TRHDE: variants seen among roughly 807,000 people sequenced by gnomAD.
TRHDE encodes the protein thyrotropin releasing hormone degrading enzyme, also known as thyrotropin-releasing hormone-degrading ectoenzyme.
In TRHDE, 72 loss-of-function variants were observed where a neutral mutation model predicts 125.7. That is an observed-to-expected ratio of 0.57 (90% CI 0.47 to 0.70). The LOEUF is 0.70. Among genes scored for constraint, TRHDE ranks in the 30% least tolerant of loss-of-function variants. The probability of loss-of-function intolerance (pLI) is 0.00; values close to 1 mark genes in which losing one functional copy is unlikely to be tolerated. For missense variants in TRHDE, 1,110 were observed against 1,327.1 expected, an observed-to-expected ratio of 0.84 and a Z score of 2.54; for synonymous variants, 509 against 509.1, an observed-to-expected ratio of 1.00 and a Z score of 0.00.
chr12:72,237,164 A>G (rs1313394429), intron 2 of TRHDE, among the ~76,000 whole-genome samples: 3 of 152,220 alleles, frequency 2.0e-5, no homozygotes, highest in Admixed American at 6.5e-5. Flanking sequence ...GTGAGATATT[A>G]TCATTCACTT....
intron 3 of TRHDE, among the ~76,000 whole-genome samples, chr12:72,421,145 A>G (rs1156270696): frequency 1.3e-5 from 2 of 152,140 alleles, no homozygotes; most frequent in Non-Finnish European, 2.9e-5. Flanking sequence ...AAATCAACTC[A>G]GATTCAACCA....
chr12:72,592,154 C>G (rs998241414), intron 12 of TRHDE, among the ~76,000 whole-genome samples: 1 of 152,016 alleles, frequency 6.6e-6, no homozygotes, highest in Non-Finnish European at 1.5e-5. Flanking sequence ...CTACCTTCTC[C>G]CTGGTATTCT....
rs144709792 is a variant in TRHDE, at chr12:72,556,679, T to A, written c.1789-5486T>A. Among the ~76,000 whole-genome samples, 334 of 152,318 alleles carry A rather than the reference T, an allele frequency of 2.2e-3. 2 individuals carry two copies. Among genetic ancestry groups the A allele is most frequent in the African/African-American group, 7.5e-3 (312 of 41,562 alleles). Reference sequence around the variant, plus strand: ...ATTTTGCCTTCTTCCCAGATTCCATTGTGAGTGATTGCCCCCGTATAAAAC... The same window carrying A: ...ATTTTGCCTTCTTCCCAGATTCCATAGTGAGTGATTGCCCCCGTATAAAAC... On this transcript the variant is annotated intron_variant, in intron 7 of 18. Coordinates refer to ENST00000261180, the MANE Select transcript of TRHDE (RefSeq NM_013381.3).
At chr12:72,289,299 T>C (rs1406104312) in intron 2 of TRHDE, among the ~76,000 whole-genome samples, 2 of 152,118 alleles carry the variant, frequency 1.3e-5, no homozygotes. Context: ...GTGTGAATAT[T>C]TGAGACATCA....
At chr12:72,461,604 A>ATCAAAAT (rs1463362409) in intron 3 of TRHDE, among the ~76,000 whole-genome samples, 1 of 151,936 alleles carries the variant, frequency 6.6e-6, no homozygotes, top group African/African-American at 2.4e-5. Context: ...TCATGGTATA[A>ATCAAAAT]TCAAAATACA....
chr12:72,423,432 G>A (rs558460037), intron 3 of TRHDE, among the ~76,000 whole-genome samples: 84 of 152,234 alleles, frequency 5.5e-4, no homozygotes, highest in Admixed American at 9.8e-4. Flanking sequence ...CAAAAATTCT[G>A]TTCATCTCTT....
intron 2 of TRHDE, among the ~76,000 whole-genome samples, chr12:72,109,340 CT>C (rs1875263755): frequency 6.6e-6 from 1 of 151,976 alleles, no homozygotes; most frequent in South Asian, 2.1e-4. Context: ...TTCTTTTTGT[CT>C]TTGTGATTTC....
At chr12:72,279,790 T>C (rs116405092) in intron 1 of TRHDE, among the ~76,000 whole-genome samples, 3,141 of 152,212 alleles carry the variant, frequency 0.021, 115 homozygotes, top group African/African-American at 0.072. Context: ...CTGACATTTA[T>C]AGAACTGTGG....
At chr12:72,311,725 G>GA (rs1329148068) in intron 2 of TRHDE, among the ~76,000 whole-genome samples, 108 of 152,252 alleles carry the variant, frequency 7.1e-4, no homozygotes, top group African/African-American at 2.5e-3. Context: ...AGTTGAGTCA[G>GA]TACATTTTGG....
At chr12:72,474,175 A>C (rs1297187902) in intron 5 of TRHDE, among the ~76,000 whole-genome samples, 2 of 152,070 alleles carry the variant, frequency 1.3e-5, no homozygotes, top group East Asian at 3.9e-4. Context: ...TTTGGAGATA[A>C]GTGTACATTC....
intron 2 of TRHDE, among the ~76,000 whole-genome samples, chr12:72,233,261 A>G (rs559817001): frequency 6.6e-6 from 1 of 152,316 alleles, no homozygotes; most frequent in South Asian, 2.1e-4. Context: ...TTATGAATCA[A>G]GAATTAGGCA....
chr12:72,451,606 A>G (rs1331880685), intron 3 of TRHDE, among the ~76,000 whole-genome samples: 4 of 151,880 alleles, frequency 2.6e-5, no homozygotes, highest in African/African-American at 9.7e-5. Flanking sequence ...GTTGTTCAAA[A>G]TTGGTTTGGA....
chr12:72,624,585 G>A (rs1873181471), intron 15 of TRHDE, among the ~76,000 whole-genome samples: 2 of 151,822 alleles, frequency 1.3e-5, no homozygotes, highest in African/African-American at 4.8e-5. Context: ...TGCAAGGAGG[G>A]ATAATGGGAC....
intron 15 of TRHDE, among the ~76,000 whole-genome samples, chr12:72,643,070 G>A (rs1050957398): frequency 5.3e-5 from 8 of 152,120 alleles, no homozygotes; most frequent in African/African-American, 1.7e-4. Context: ...TCATTTATAG[G>A]CATGAGTAAA....
At chr12:72,458,712 T>C (rs535812675) in intron 3 of TRHDE, among the ~76,000 whole-genome samples, 1 of 152,252 alleles carries the variant, frequency 6.6e-6, no homozygotes, top group South Asian at 2.1e-4. Flanking sequence ...TCTAGTTTTT[T>C]TGATTACTGA....
chr12:72,654,286 T>C (rs1210266639), intron 17 of TRHDE, among the ~76,000 whole-genome samples: 1 of 152,190 alleles, frequency 6.6e-6, no homozygotes. Context: ...GTTCCTGATA[T>C]GCTTATTTTG....
At chr12:72,589,478 G>C (rs1318873771) in intron 12 of TRHDE, among the ~76,000 whole-genome samples, 1 of 151,970 alleles carries the variant, frequency 6.6e-6, no homozygotes, top group Non-Finnish European at 1.5e-5. Flanking sequence ...ATGCATTAGG[G>C]GTTTCTATTT....
intron 2 of TRHDE, among the ~76,000 whole-genome samples, chr12:72,225,031 A>C (rs542680584): frequency 6.6e-6 from 1 of 152,148 alleles, no homozygotes; most frequent in East Asian, 1.9e-4. Context: ...ATTTGCATTG[A>C]TCTTAAGTAA....
intron 2 of TRHDE, among the ~76,000 whole-genome samples, chr12:72,129,131 A>G (rs941017947): frequency 6.6e-6 from 1 of 152,218 alleles, no homozygotes; most frequent in African/African-American, 2.4e-5. Context: ...TCCTGAAAGA[A>G]AAAAGTCCAC....
Sources: allele counts gnomAD v4.1 joint callset (sites outside exome capture counted in the v4.1 genomes callset), GRCh38; gene constraint gnomAD v4.1.1; transcripts MANE v1.5; gene names NCBI Gene and HGNC (gene_info 2026-07-23, HGNC 2026-07-21).